SESN1: variants seen among roughly 807,000 people sequenced by gnomAD.
SESN1 encodes the protein sestrin 1.
SESN1 carries 30 observed loss-of-function variants against 59.3 expected under a neutral mutation model. The ratio of observed to expected loss-of-function variants is 0.51; its 90% confidence interval spans 0.38 to 0.69. The LOEUF is 0.69. SESN1 is among the 30% of genes least tolerant of loss of function. SESN1 has a pLI of 0.00. For missense variants in SESN1, 566 were observed against 673.0 expected (o/e 0.84, Z 1.76); for synonymous variants, 197 against 219.9 (o/e 0.90, Z 0.92).
intron 1 of SESN1, among the ~76,000 whole-genome samples, chr6:109,002,561 A>G (rs1779649762): frequency 6.6e-6 from 1 of 152,232 alleles, no homozygotes; most frequent in African/African-American, 2.4e-5. Context: ...AACCTGTTTC[A>G]CTAAAACCAG....
intron 1 of SESN1, among the ~76,000 whole-genome samples, chr6:109,085,102 C>A (rs760338521): frequency 2.7e-5 from 4 of 149,720 alleles, no homozygotes; most frequent in Non-Finnish European, 5.9e-5. Flanking sequence ...TTTATTGACA[C>A]TGGCTTATCA....
intron 1 of SESN1, among the ~76,000 whole-genome samples, chr6:109,051,397 G>T (rs1263143728): frequency 6.6e-6 from 1 of 152,166 alleles, no homozygotes; most frequent in African/African-American, 2.4e-5. Context: ...CATAAAAGGA[G>T]TTGAACAAAC....
intron 1 of SESN1, among the ~76,000 whole-genome samples, chr6:109,063,923 TA>T (rs959036713): frequency 2.7e-4 from 40 of 148,196 alleles, no homozygotes; most frequent in Non-Finnish European, 4.5e-4. Context: ...AAAAAAAAAC[TA>T]AAAAAAAAAT....
chr6:108,996,601 T>G (rs990858193), intron 5 of SESN1, among the ~76,000 whole-genome samples: 2 of 152,174 alleles, frequency 1.3e-5, no homozygotes, highest in African/African-American at 4.8e-5. Context: ...AAAGTAGGTT[T>G]CTTTGTTCCT....
In SESN1 at chr6:108,984,944, A is replaced by G. The variant is rs1779143831; in HGVS notation, c.*2600T>C. On this transcript the variant is annotated 3_prime_UTR_variant, in exon 10 of 10. Transcript: ENST00000436639. ...AGTTCTCACAAAGATATTCTGGCCC[A>G]TATATTGTTAACTCAGCGTCTCTGG... 6.6e-6 allele frequency among the ~76,000 whole-genome samples: 1 copy of G among 152,158 alleles called. No individual in the cohort carries two copies.
chr6:109,007,557 A>G (rs1779758552), intron 1 of SESN1, among the ~76,000 whole-genome samples: 1 of 152,176 alleles, frequency 6.6e-6, no homozygotes, highest in South Asian at 2.1e-4. Context: ...ACATTTCAAC[A>G]AGGTAAAGAT....
chr6:109,008,514 G>A (rs1055440423), intron 1 of SESN1, among the ~76,000 whole-genome samples: 1 of 152,124 alleles, frequency 6.6e-6, no homozygotes, highest in African/African-American at 2.4e-5. Flanking sequence ...AATATACATA[G>A]TATACTGATA....
intron 7 of SESN1, among the ~76,000 whole-genome samples, chr6:108,991,073 AAAC>A (rs113243855): frequency 2.0e-5 from 3 of 149,956 alleles, no homozygotes; most frequent in Non-Finnish European, 3.0e-5. Context: ...TCTCAAAAAA[AAAC>A]AACAACAAAA....
intron 1 of SESN1, among the ~76,000 whole-genome samples, chr6:109,071,819 C>T (rs1200649126): frequency 1.3e-5 from 2 of 152,170 alleles, no homozygotes; most frequent in Non-Finnish European, 2.9e-5. Flanking sequence ...TTAAAACTCC[C>T]CAGTTTCAAT....
At chr6:108,998,891 T>C (rs1262093880) in intron 4 of SESN1, 136 bp from the exon 5 acceptor site, 4 of 1,066,154 alleles carry the variant, frequency 3.8e-6, no homozygotes, top group Non-Finnish European at 5.2e-6. Context: ...TTGAAACATG[T>C]AGAACCCAGA....
chr6:109,069,372 T>C (rs190707954), intron 1 of SESN1, among the ~76,000 whole-genome samples: 14 of 152,086 alleles, frequency 9.2e-5, no homozygotes, highest in Admixed American at 9.2e-4. Flanking sequence ...GAGACTGGCA[T>C]AAGACTTCTC....
intron 1 of SESN1, among the ~76,000 whole-genome samples, chr6:109,071,770 G>C (rs1385259865): frequency 6.6e-6 from 1 of 152,136 alleles, no homozygotes; most frequent in African/African-American, 2.4e-5. Context: ...TCAGAGGCAC[G>C]AGCTAACATT....
At chr6:109,050,871 G>C (rs1048600404) in intron 1 of SESN1, among the ~76,000 whole-genome samples, 2 of 152,168 alleles carry the variant, frequency 1.3e-5, no homozygotes, top group Admixed American at 6.5e-5. Context: ...GCCTAGCAAA[G>C]GAAGGCAAGA....
chr6:109,007,919 A>C (rs1303071242), intron 1 of SESN1, among the ~76,000 whole-genome samples: 1 of 151,998 alleles, frequency 6.6e-6, no homozygotes, highest in African/African-American at 2.4e-5. Flanking sequence ...CGTTTCTTGA[A>C]AGTGTTTAAT....
At chr6:109,048,098 AT>A (rs1289697418) in intron 1 of SESN1, among the ~76,000 whole-genome samples, 2 of 132,610 alleles carry the variant, frequency 1.5e-5, no homozygotes, top group East Asian at 2.0e-4. Context: ...CAATAAAAAA[AT>A]AAATTAAAAA....
chr6:109,076,576 CAGAT>C (rs1781035989), intron 1 of SESN1, among the ~76,000 whole-genome samples: 1 of 152,014 alleles, frequency 6.6e-6, no homozygotes, highest in Non-Finnish European at 1.5e-5. Context: ...CAGGCACTGA[CAGAT>C]GGCGCAAGGA....
rs928237337 is a variant in SESN1 at position 108,985,172 on chromosome 6, T to G, written c.*2372A>C. Among the ~76,000 whole-genome samples the G allele has an allele frequency of 6.6e-6, 1 of 152,220 alleles. No homozygotes were observed. The highest frequency in any genetic ancestry group is 6.5e-5 in the Admixed American group (1 of 15,268). On this transcript the variant is annotated 3_prime_UTR_variant, in exon 10 of 10. Transcript: ENST00000436639. ...AGAGTATATTGATAAAAAGTGCTTA[T>G]CCAACAAGTTTTACTTATCTACTTA...
At chr6:109,032,504 G>A (rs1780196395) in intron 1 of SESN1, among the ~76,000 whole-genome samples, 1 of 151,836 alleles carries the variant, frequency 6.6e-6, no homozygotes, top group Non-Finnish European at 1.5e-5. Flanking sequence ...TGTAATCCCA[G>A]CTATTGGGGA....
At chr6:109,072,475 A>C (rs1336380990) in intron 1 of SESN1, among the ~76,000 whole-genome samples, 2 of 152,188 alleles carry the variant, frequency 1.3e-5, no homozygotes, top group East Asian at 3.8e-4. Flanking sequence ...AGAAAGGTAA[A>C]TTTGTTCCTT....
Sources: allele counts gnomAD v4.1 joint callset (sites outside exome capture counted in the v4.1 genomes callset), GRCh38; gene constraint gnomAD v4.1.1; transcripts MANE v1.5; gene names NCBI Gene and HGNC (gene_info 2026-07-23, HGNC 2026-07-21).